Variants in ADAMTSL1 observed in about 807,000 individuals in gnomAD.
The protein encoded by ADAMTSL1 is ADAMTS-like protein 1.
A neutral mutation model predicts 201.8 loss-of-function variants in ADAMTSL1; 126 were observed. That is an observed-to-expected ratio of 0.62 (90% CI 0.54 to 0.72). ADAMTSL1 has a LOEUF of 0.72. Ranked by LOEUF, ADAMTSL1 falls within the 30% of genes least tolerant of loss-of-function variation. ADAMTSL1 has a pLI of 0.00. For synonymous variants in ADAMTSL1, 1,121 were observed against 903.4 expected (o/e 1.24, Z -4.32); for missense variants, 2,679 against 2,277.8 (o/e 1.18, Z -3.59).
intron 1 of ADAMTSL1, among the ~76,000 whole-genome samples, chr9:18,029,704 A>T (rs1408106563): frequency 6.6e-6 from 1 of 152,184 alleles, no homozygotes; most frequent in East Asian, 1.9e-4. Context: ...TTTACAAGAA[A>T]AAAACAAACA....
chr9:18,356,560 T>TCTG (rs1836243444), intron 2 of ADAMTSL1, among the ~76,000 whole-genome samples: 1 of 142,274 alleles, frequency 7.0e-6, no homozygotes, highest in Non-Finnish European at 1.5e-5. Flanking sequence ...AAGGCTATCA[T>TCTG]CTGCAGCCTA....
At chr9:18,496,219 G>A (rs562629677) in intron 1 of ADAMTSL1, among the ~76,000 whole-genome samples, 3 of 152,146 alleles carry the variant, frequency 2.0e-5, no homozygotes, top group African/African-American at 7.2e-5. Context: ...AGTAACTTCA[G>A]GTTAAGGAGA....
At chr9:17,956,827 AG>A (rs1465833289) in intron 1 of ADAMTSL1, among the ~76,000 whole-genome samples, 1 of 152,180 alleles carries the variant, frequency 6.6e-6, no homozygotes, top group Non-Finnish European at 1.5e-5. Flanking sequence ...AGATGAGCTC[AG>A]GGGGTCTGGG....
chr9:18,312,536 A>G (rs1180704396), intron 2 of ADAMTSL1, among the ~76,000 whole-genome samples: 1 of 152,202 alleles, frequency 6.6e-6, no homozygotes, highest in Non-Finnish European at 1.5e-5. Context: ...GACTGTGCAC[A>G]TAACTTCACC....
At chr9:18,225,393 G>A (rs1160395649) in intron 2 of ADAMTSL1, among the ~76,000 whole-genome samples, 4 of 152,122 alleles carry the variant, frequency 2.6e-5, no homozygotes, top group Admixed American at 6.6e-5. Context: ...TATAATATGC[G>A]AAAATGTATC....
intron 2 of ADAMTSL1, among the ~76,000 whole-genome samples, chr9:18,221,157 G>A (rs771464759): frequency 3.9e-5 from 6 of 152,172 alleles, no homozygotes; most frequent in Admixed American, 6.6e-5. Flanking sequence ...CTGAAAGGCT[G>A]TAGAATGTTT....
chr9:17,942,529 TA>T (rs1827281697), intron 1 of ADAMTSL1, among the ~76,000 whole-genome samples: 2 of 152,186 alleles, frequency 1.3e-5, no homozygotes, highest in South Asian at 4.1e-4. Flanking sequence ...TACTTTGTTA[TA>T]GCTGAAAAAT....
chr9:18,132,189 C>T (rs868793728), intron 1 of ADAMTSL1, among the ~76,000 whole-genome samples: 10 of 152,144 alleles, frequency 6.6e-5, no homozygotes, highest in Middle Eastern at 3.4e-3. Flanking sequence ...GTGCTGTCCC[C>T]GGGGAAAAAA....
intron 2 of ADAMTSL1, among the ~76,000 whole-genome samples, chr9:18,298,846 T>C (rs1446226927): frequency 1.3e-5 from 2 of 151,566 alleles, no homozygotes; most frequent in African/African-American, 2.4e-5. Context: ...CCCGTCTCTA[T>C]TAAAAATACA....
chr9:18,815,711 C>CAAAAAAAAAAAAAAAA (rs35926602), intron 20 of ADAMTSL1, among the ~76,000 whole-genome samples: 4 of 67,932 alleles, frequency 5.9e-5, no homozygotes, highest in African/African-American at 2.2e-4. Context: ...AACCCTGTCT[C>CAAAAAAAAAAAAAAAA]AAAAAAAAAA....
At chr9:18,220,750 T>C (rs945904963) in intron 2 of ADAMTSL1, among the ~76,000 whole-genome samples, 6 of 152,210 alleles carry the variant, frequency 3.9e-5, no homozygotes, top group African/African-American at 1.4e-4. Context: ...GTAATACATT[T>C]TACTTATACT....
chr9:18,537,878 T>TAA (rs753363020), intron 3 of ADAMTSL1, among the ~76,000 whole-genome samples: 2,981 of 97,840 alleles, frequency 0.03, 135 homozygotes, highest in African/African-American at 0.085. Flanking sequence ...TGTCTCTATT[T>TAA]AAAAAAAAAA....
intron 3 of ADAMTSL1, 97 bp downstream of exon 3, chr9:18,533,389 T>G: frequency 2.1e-6 from 2 of 969,816 alleles, no homozygotes; most frequent in East Asian, 2.6e-5. Flanking sequence ...AACCAACTAG[T>G]ATTTCACTGA....
At chr9:18,817,978 C>T (rs1466224019) in intron 21 of ADAMTSL1, among the ~76,000 whole-genome samples, 4 of 152,110 alleles carry the variant, frequency 2.6e-5, no homozygotes, top group African/African-American at 9.7e-5. Context: ...CAACAGGGAC[C>T]AGGAAGGCAC....
rs535381613 is a variant in ADAMTSL1, at chr9:18,323,120, T to A, written c.207+159139T>A. Among the ~76,000 whole-genome samples, 140 of 152,290 alleles carry A rather than the reference T, an allele frequency of 9.2e-4. 2 individuals are homozygous for A. The highest frequency in any genetic ancestry group is 7.2e-4 in the Non-Finnish European group (49 of 68,010). Reference sequence around the variant, plus strand: ...ATTACACATCACTGTATCTCGTAAATGTTTGCAAAATTCTCTAACAATGTG... The same window carrying A: ...ATTACACATCACTGTATCTCGTAAAAGTTTGCAAAATTCTCTAACAATGTG... On this transcript the variant is annotated intron_variant, in intron 2 of 29. Transcript: ENST00000680146.
intron 12 of ADAMTSL1, among the ~76,000 whole-genome samples, chr9:18,682,723 T>G (rs1374658485): frequency 6.6e-6 from 1 of 152,212 alleles, no homozygotes; most frequent in African/African-American, 2.4e-5. Flanking sequence ...ATTTCTTTAT[T>G]TTTTAAGCCA....
At chr9:18,567,800 CAT>C (rs1481105019) in intron 3 of ADAMTSL1, among the ~76,000 whole-genome samples, 7 of 152,040 alleles carry the variant, frequency 4.6e-5, no homozygotes, top group African/African-American at 1.7e-4. Context: ...ATTTCTCATA[CAT>C]ATATGAGATA....
chr9:18,530,443 G>A (rs867339821), intron 2 of ADAMTSL1, among the ~76,000 whole-genome samples: 17 of 152,082 alleles, frequency 1.1e-4, no homozygotes, highest in East Asian at 3.9e-4. Context: ...AATCTCCTCC[G>A]TTTTAATACC....
At chr9:18,598,771 C>T (rs1457305067) in intron 4 of ADAMTSL1, among the ~76,000 whole-genome samples, 1 of 151,986 alleles carries the variant, frequency 6.6e-6, no homozygotes, top group Non-Finnish European at 1.5e-5. Flanking sequence ...CTGACTAGTG[C>T]TGTGTGAGCA....
Sources: gnomAD v4.1 joint callset for allele counts (sites outside exome capture counted in the v4.1 genomes callset) on GRCh38, gnomAD v4.1.1 for gene constraint, MANE v1.5 for transcripts, NCBI Gene and HGNC (gene_info 2026-07-23, HGNC 2026-07-21) for gene names.